Variants in NDUFA10 observed in about 807,000 individuals in gnomAD.
The protein encoded by NDUFA10 is NADH dehydrogenase [ubiquinone] 1 alpha subcomplex subunit 10, mitochondrial.
NDUFA10 carries 40 observed loss-of-function variants against 47.8 expected under a neutral mutation model. The observed-to-expected ratio is 0.84, with a 90% CI of 0.65 to 1.09. The LOEUF (loss-of-function observed/expected upper bound fraction) is 1.09. NDUFA10 is among the 50% of genes least tolerant of loss of function. NDUFA10 has a pLI of 0.00. For missense variants in NDUFA10, 413 were observed against 451.1 expected (o/e 0.92, Z 0.76); for synonymous variants, 183 against 172.2 (o/e 1.06, Z -0.49).
chr2:239,924,768 C>G (rs575150035), intron 4 of NDUFA10, among the ~76,000 whole-genome samples: 3 of 152,032 alleles, frequency 2.0e-5, no homozygotes, highest in Non-Finnish European at 4.4e-5. Flanking sequence ...AAGAAAAACT[C>G]TTCTTATTTG....
chr2:240,022,847 G>A (rs373869298), intron 1 of NDUFA10, among the ~76,000 whole-genome samples: 8 of 152,094 alleles, frequency 5.3e-5, no homozygotes, highest in South Asian at 2.1e-4. Flanking sequence ...CAGAGCTAAG[G>A]TGAAATGCAA....
intron 2 of NDUFA10, among the ~76,000 whole-genome samples, chr2:240,021,752 G>A (rs1490950805): frequency 1.3e-5 from 2 of 152,212 alleles, no homozygotes; most frequent in Admixed American, 6.5e-5. Flanking sequence ...TGCACCAGGA[G>A]TCAGGAAGGG....
intron 5 of NDUFA10, chr2:240,013,546 G>A (rs1697220470): frequency 6.6e-6 from 1 of 152,170 alleles, no homozygotes; most frequent in South Asian, 2.1e-4. Flanking sequence ...TTGATGGAAG[G>A]TTCTTAGAAG....
chr2:239,975,886 C>G (rs1363169364), intron 9 of NDUFA10, among the ~76,000 whole-genome samples: 1 of 152,156 alleles, frequency 6.6e-6, no homozygotes, highest in Non-Finnish European at 1.5e-5. Context: ...GGTTCTGTAT[C>G]TCTCGCTGTT....
intron 4 of NDUFA10, among the ~76,000 whole-genome samples, chr2:239,931,856 G>A (rs1484359016): frequency 0.031 from 1,093 of 35,550 alleles, 23 homozygotes; most frequent in African/African-American, 0.096. Context: ...TTTTTTTTGA[G>A]ACGGAGTCTC....
At chr2:240,015,002 G>A in intron 4 of NDUFA10, 142 bp from the exon 5 acceptor site, 3 of 1,266,980 alleles carry the variant, frequency 2.4e-6, no homozygotes, top group Non-Finnish European at 2.2e-6. Context: ...CTCGGTCACA[G>A]TTCTAAGCAC....
intron 9 of NDUFA10, among the ~76,000 whole-genome samples, chr2:239,989,370 T>C (rs533023728): frequency 9.2e-5 from 14 of 152,376 alleles, no homozygotes; most frequent in African/African-American, 3.1e-4. Flanking sequence ...CTCATCTACA[T>C]GTTGAAGGCA....
At chr2:239,894,716 T>C (rs1057414638) in intron 5 of NDUFA10, among the ~76,000 whole-genome samples, 3 of 152,154 alleles carry the variant, frequency 2.0e-5, no homozygotes, top group African/African-American at 7.2e-5. Flanking sequence ...TCTGACCTTC[T>C]CTATGGATCC....
chr2:239,968,705 T>C (rs1695186367), intron 9 of NDUFA10, among the ~76,000 whole-genome samples: 1 of 152,120 alleles, frequency 6.6e-6, no homozygotes, highest in Admixed American at 6.5e-5. Flanking sequence ...TCTGGCTGAG[T>C]AGCCATCAGT....
chr2:239,920,337 A>C (rs892738600), intron 4 of NDUFA10, among the ~76,000 whole-genome samples: 1 of 152,210 alleles, frequency 6.6e-6, no homozygotes, highest in Admixed American at 6.5e-5. Flanking sequence ...TTTGTACAGC[A>C]GCCCAGACTG....
At chr2:239,991,763 T>A (rs1696258388) in intron 8 of NDUFA10, among the ~76,000 whole-genome samples, 1 of 152,244 alleles carries the variant, frequency 6.6e-6, no homozygotes, top group East Asian at 1.9e-4. Flanking sequence ...ATGAAGTTCA[T>A]ATTTTAAATG....
At chr2:239,914,571 C>T (rs377565789) in intron 4 of NDUFA10, among the ~76,000 whole-genome samples, 8 of 103,066 alleles carry the variant, frequency 7.8e-5, no homozygotes, top group Non-Finnish European at 1.6e-4. Context: ...GATACACACA[C>T]ACACAGAGAA....
rs116403651 is a variant in NDUFA10, at chr2:239,959,901, T to C, written c.*1217A>G. ...AAGGAGGGAAGGAGTGTGCATCTTC[T>C]TCGCATGCTCCGCAGCAGCGAGGCC... On this transcript the variant is annotated 3_prime_UTR_variant, in exon 10 of 10. Coordinates refer to ENST00000252711, the MANE Select transcript of NDUFA10 (RefSeq NM_004544.4). 2,639 of 985,436 alleles carry C rather than the reference T, an allele frequency of 2.7e-3. 42 individuals carry two copies. In the African/African-American group the frequency reaches 0.037, roughly 14 times the overall value. The allele number at this position is 985,436 out of a possible 1,614,324, so 61.0% of individuals were successfully genotyped here. A position where few individuals can be genotyped will look rare whatever the true frequency, so the allele number is the denominator to read the frequency against.
intron 5 of NDUFA10, among the ~76,000 whole-genome samples, chr2:239,894,389 C>T (rs1209589902): frequency 1.3e-5 from 2 of 149,074 alleles, no homozygotes; most frequent in Non-Finnish European, 3.0e-5. Context: ...TCCTCAGCTC[C>T]ATCATCCCAG....
chr2:239,905,096 T>C (rs531965732), intron 4 of NDUFA10, among the ~76,000 whole-genome samples: 18 of 152,316 alleles, frequency 1.2e-4, no homozygotes, highest in African/African-American at 4.3e-4. Context: ...TAGGGTATCT[T>C]TGGAAACTGC....
At chr2:239,981,734 A>G (rs1412906199) in intron 9 of NDUFA10, among the ~76,000 whole-genome samples, 1 of 152,214 alleles carries the variant, frequency 6.6e-6, no homozygotes, top group Non-Finnish European at 1.5e-5. Context: ...GCATGTTACA[A>G]TACACAGACC....
rs542859234 is a variant in NDUFA10, at chr2:240,015,310, C to T, written c.548-450G>A. ...AAGATGGAGGTCACAGTTCAGTGATCTTTGAACTGAAATATATTCCATATA... is the reference window on the plus strand; with the variant it reads ...AAGATGGAGGTCACAGTTCAGTGATTTTTGAACTGAAATATATTCCATATA... On this transcript the variant is annotated intron_variant, in intron 4 of 9. Transcript: ENST00000252711. 3.3e-5 allele frequency among the ~76,000 whole-genome samples: 5 copies of T among 152,340 alleles called. No homozygotes were observed. In the South Asian group the frequency reaches 1.0e-3, roughly 32 times the overall value.
At chr2:239,998,011 A>T (rs1696550278) in intron 8 of NDUFA10, among the ~76,000 whole-genome samples, 1 of 152,278 alleles carries the variant, frequency 6.6e-6, no homozygotes, top group Non-Finnish European at 1.5e-5. Flanking sequence ...AAAATATTGG[A>T]AGTAGAATAC....
rs1693458870 is a variant in NDUFA10, at chr2:239,898,955, G to GTGTGGAGGGA, written c.295-3642_295-3641insTCCCTCCACA. Among the ~76,000 whole-genome samples, 2 of 114,504 alleles carry GTGTGGAGGGA rather than the reference G, an allele frequency of 1.7e-5. 1 individual carries two copies. Among genetic ancestry groups the GTGTGGAGGGA allele is most frequent in the South Asian group, 6.5e-4 (2 of 3,090 alleles). 75.1% of individuals were successfully genotyped at this position (114,504 alleles called of 152,430 possible). Reference sequence around the variant, plus strand: ...GGGTGTGACGGAGGGGTGTGGAGGGGTGTGGCAGGGTGTGATGAAGAGGTA... The same window carrying GTGTGGAGGGA: ...GGGTGTGACGGAGGGGTGTGGAGGGGTGTGGAGGGATGTGGCAGGGTGTGATGAAGAGGTA... On this transcript the variant is annotated intron_variant, in intron 4 of 5. Coordinates refer to the NDUFA10 transcript ENST00000419408.
Sources: gnomAD v4.1 joint callset for allele counts (sites outside exome capture counted in the v4.1 genomes callset) on GRCh38, gnomAD v4.1.1 for gene constraint, MANE v1.5 for transcripts, NCBI Gene and HGNC (gene_info 2026-07-23, HGNC 2026-07-21) for gene names.